The following DMD variants were observed in gnomAD, a reference collection of about 807,000 sequenced individuals.
DMD encodes mutant dystrophin.
DMD carries 63 observed loss-of-function variants against 330.1 expected under a neutral mutation model. The observed-to-expected ratio is 0.19, with a 90% CI of 0.16 to 0.24. The LOEUF is 0.24. Ranked by LOEUF, DMD falls within the 10% of genes least tolerant of loss-of-function variation. The probability of loss-of-function intolerance (pLI) is 1.00; values close to 1 mark genes in which losing one functional copy is unlikely to be tolerated. For synonymous variants in DMD, 1,223 were observed against 959.8 expected, an observed-to-expected ratio of 1.27 and a Z score of -5.07; for missense variants, 3,344 against 2,684.1, an observed-to-expected ratio of 1.25 and a Z score of -5.43.
chrX:32,753,760 G>A (rs2071127852), intron 7 of DMD, among the ~76,000 whole-genome samples: 1 of 111,814 alleles, frequency 8.9e-6, no homozygotes, highest in Non-Finnish European at 1.9e-5. Flanking sequence ...ATAATACAAT[G>A]TTAGTTCTCC....
intron 7 of DMD, among the ~76,000 whole-genome samples, chrX:32,715,469 C>CCA (rs2065612292): frequency 1.7e-4 from 3 of 17,216 alleles, no homozygotes; most frequent in Non-Finnish European, 3.6e-4. Context: ...GAGATTCCAT[C>CCA]AAAAAAAAAA....
intron 2 of DMD, among the ~76,000 whole-genome samples, chrX:32,918,038 T>C (rs931120251): frequency 9.2e-6 from 1 of 109,220 alleles, no homozygotes; most frequent in African/African-American, 3.4e-5. Flanking sequence ...TTGGTAGAGA[T>C]AGGCAGTAGG....
chrX:32,900,925 T>C (rs1428904538), intron 2 of DMD, among the ~76,000 whole-genome samples: 1 of 111,114 alleles, frequency 9.0e-6, no homozygotes. Context: ...TAAGAATTAC[T>C]CGAATAAGCC....
chrX:33,269,836 C>A (rs1483590996), intron 1 of DMD, among the ~76,000 whole-genome samples: 6 of 110,389 alleles, frequency 5.4e-5, no homozygotes, highest in African/African-American at 2.0e-4. Context: ...GAATTATATG[C>A]CTTAGTGATG....
intron 47 of DMD, among the ~76,000 whole-genome samples, chrX:31,921,952 A>G (rs751483495): frequency 4.3e-4 from 48 of 111,947 alleles, no homozygotes; most frequent in Middle Eastern, 4.6e-3. Flanking sequence ...ATTATAGTAC[A>G]TACTGGTTTC....
At chrX:32,282,271 AAG>A (rs1050724832) in intron 43 of DMD, among the ~76,000 whole-genome samples, 2 of 111,940 alleles carry the variant, frequency 1.8e-5, no homozygotes, top group African/African-American at 6.5e-5. Flanking sequence ...TGTTCATTGA[AAG>A]AAGAAAAGAG....
intron 50 of DMD, among the ~76,000 whole-genome samples, chrX:31,803,490 C>A (rs2149357695): frequency 8.9e-6 from 1 of 112,087 alleles, no homozygotes; most frequent in Non-Finnish European, 1.9e-5. Flanking sequence ...AATACAACCC[C>A]AATCAAGAAA....
intron 44 of DMD, among the ~76,000 whole-genome samples, chrX:32,066,950 T>C (rs894555103): frequency 5.4e-5 from 6 of 111,553 alleles, no homozygotes; most frequent in African/African-American, 9.7e-5. Flanking sequence ...AATGGGGATA[T>C]GTAGAAATAA....
chrX:33,006,870 C>T (rs373953238), intron 2 of DMD, among the ~76,000 whole-genome samples: 3 of 110,967 alleles, frequency 2.7e-5, no homozygotes, highest in African/African-American at 9.8e-5. Flanking sequence ...CTTTCTTATC[C>T]CAGTAAATAA....
chrX:31,596,663 T>C (rs1456688344), intron 55 of DMD, among the ~76,000 whole-genome samples: 1 of 112,149 alleles, frequency 8.9e-6, no homozygotes, highest in East Asian at 2.8e-4. Flanking sequence ...TCAAGCACTA[T>C]AGCACGGTAT....
intron 40 of DMD, chrX:32,342,812 G>A (rs1048940071): frequency 2.7e-6 from 1 of 364,288 alleles, no homozygotes; most frequent in Admixed American, 3.1e-5. Flanking sequence ...GCTAACATGA[G>A]TAAGAAGTCG....
intron 4 of DMD, among the ~76,000 whole-genome samples, chrX:32,841,904 G>A (rs5972689): frequency 0.37 from 40,687 of 110,613 alleles, 5,447 homozygotes; most frequent in South Asian, 0.49. Context: ...GTAATCCACA[G>A]AAAAGGAAAA....
rs773684494 is a variant in DMD, at chrX:32,581,271, AG to A, written c.1603-7426del. Among the ~76,000 whole-genome samples the A allele has an allele frequency of 1.5e-4, 17 of 112,553 alleles. No individual in the cohort carries two copies. In the South Asian group the frequency reaches 6.2e-3, roughly 41 times the overall value. Reference sequence around the variant, plus strand: ...CCTAATAAAATGCATAAGATAATGTAGGTGTAACAGAATAGGTAGTAATGGG... The same window carrying A: ...CCTAATAAAATGCATAAGATAATGTAGTGTAACAGAATAGGTAGTAATGGG... On this transcript the variant is annotated intron_variant, in intron 13 of 78. Transcript: ENST00000357033.
At chrX:31,575,510 T>C (rs969531366) in intron 55 of DMD, among the ~76,000 whole-genome samples, 2 of 112,130 alleles carry the variant, frequency 1.8e-5, no homozygotes, top group South Asian at 3.7e-4. Context: ...ATATTCATTG[T>C]GGTGCCACCT....
intron 9 of DMD, among the ~76,000 whole-genome samples, chrX:32,663,839 C>T (rs1191222762): frequency 9.0e-6 from 1 of 111,301 alleles, no homozygotes; most frequent in Non-Finnish European, 1.9e-5. Flanking sequence ...GAGAGTAAGT[C>T]ATGTGAGTAT....
At chrX:33,217,729 C>G (rs1047570080) in intron 1 of DMD, among the ~76,000 whole-genome samples, 1 of 111,599 alleles carries the variant, frequency 9.0e-6, no homozygotes, top group Non-Finnish European at 1.9e-5. Flanking sequence ...AGAACTTATT[C>G]ATCTTATATA....
At chrX:31,849,092 T>TC (rs2093475991) in intron 48 of DMD, among the ~76,000 whole-genome samples, 1 of 109,898 alleles carries the variant, frequency 9.1e-6, no homozygotes, top group Non-Finnish European at 1.9e-5. Flanking sequence ...TGTACTCAAT[T>TC]TCTTTAAATT....
intron 44 of DMD, among the ~76,000 whole-genome samples, chrX:32,058,826 G>C (rs1292709897): frequency 7.2e-5 from 8 of 111,423 alleles, no homozygotes; most frequent in African/African-American, 2.0e-4. Context: ...TTTTACAGTA[G>C]CCAAGAGGTG....
intron 49 of DMD, among the ~76,000 whole-genome samples, chrX:31,834,469 C>T (rs2093147099): frequency 9.0e-6 from 1 of 111,678 alleles, no homozygotes; most frequent in Non-Finnish European, 1.9e-5. Flanking sequence ...GACGGAGTTT[C>T]GCTCGTGTCG....
Sources: allele counts gnomAD v4.1 joint callset (sites outside exome capture counted in the v4.1 genomes callset), GRCh38; gene constraint gnomAD v4.1.1; transcripts MANE v1.5; gene names NCBI Gene and HGNC (gene_info 2026-07-23, HGNC 2026-07-21).